The following GLDN variants were observed in gnomAD, a reference collection of about 807,000 sequenced individuals.
The protein encoded by GLDN is collomin.
GLDN carries 47 observed loss-of-function variants against 56.5 expected under a neutral mutation model. That is an observed-to-expected ratio of 0.83 (90% CI 0.66 to 1.06). The LOEUF is 1.06. GLDN is among the 50% of genes least tolerant of loss of function. The pLI is 0.00. For missense variants in GLDN, 782 were observed against 714.3 expected (o/e 1.09, Z -1.08); for synonymous variants, 332 against 278.8 (o/e 1.19, Z -1.90).
intron 1 of GLDN, among the ~76,000 whole-genome samples, chr15:51,355,940 G>A (rs1013290040): frequency 2.7e-5 from 4 of 146,792 alleles, no homozygotes; most frequent in East Asian, 2.2e-4. Context: ...GGGTGTGGTG[G>A]CTCACGCCTG....
At chr15:51,345,435 A>C (rs1050834228) in intron 1 of GLDN, among the ~76,000 whole-genome samples, 2 of 152,230 alleles carry the variant, frequency 1.3e-5, no homozygotes, top group Admixed American at 6.5e-5. Context: ...TAACAAGAAA[A>C]TCAGCCTGGC....
intron 1 of GLDN, among the ~76,000 whole-genome samples, chr15:51,376,886 C>T (rs567906770): frequency 6.6e-6 from 1 of 152,318 alleles, no homozygotes; most frequent in East Asian, 1.9e-4. Flanking sequence ...GCTGTGACAA[C>T]AGTGCCTTCC....
chr15:51,398,736 G>A (rs1259949694), intron 6 of GLDN, among the ~76,000 whole-genome samples: 2 of 152,214 alleles, frequency 1.3e-5, no homozygotes, highest in Non-Finnish European at 2.9e-5. Flanking sequence ...CTGCTCCTCT[G>A]CTGGGCTGCC....
intron 4 of GLDN, among the ~76,000 whole-genome samples, chr15:51,394,201 T>C (rs2141120505): frequency 6.6e-6 from 1 of 152,360 alleles, no homozygotes; most frequent in East Asian, 1.9e-4. Context: ...CCTCTGAGCA[T>C]CATGGTTGCA....
intron 2 of GLDN, among the ~76,000 whole-genome samples, chr15:51,382,812 A>G (rs577959385): frequency 6.6e-6 from 1 of 152,322 alleles, no homozygotes; most frequent in East Asian, 1.9e-4. Context: ...GTACTCAAAT[A>G]GAATAGTCGA....
rs141102085 is a variant in GLDN at position 51,400,528 on chromosome 15, T to C, written c.1027+30T>C. 146 of 1,605,384 alleles carry C rather than the reference T, an allele frequency of 9.1e-5. No individual in the cohort carries two copies. The East Asian group carries it at 2.5e-3, about 28-fold the overall frequency. ...TTGCACTCGGCCTATGACCCATATC[T>C]GTGTGGTAACTGTATTTTTCATCTG... On this transcript the variant is annotated intron_variant, in intron 8 of 9. Coordinates refer to ENST00000335449, the MANE Select transcript of GLDN (RefSeq NM_181789.4).
rs551235323 is a variant in GLDN, at chr15:51,391,882, G to C, written c.542-2953G>C. Among the ~76,000 whole-genome samples, 81 of 152,328 alleles carry C rather than the reference G, an allele frequency of 5.3e-4. 1 individual carries two copies. The highest frequency in any genetic ancestry group is 1.9e-3 in the African/African-American group (81 of 41,574). On this transcript the variant is annotated intron_variant, in intron 4 of 9. Transcript: ENST00000335449. ...CAGCCGCCACCCAAGCTTACCACTG[G>C]TAGTGGTGAGGACCCTGGGGCTTCT...
downstream of GLDN, among the ~76,000 whole-genome samples, chr15:51,411,159 G>T (rs1306449685): frequency 6.6e-6 from 1 of 152,180 alleles, no homozygotes; most frequent in African/African-American, 2.4e-5. Flanking sequence ...ATAAAAAGCT[G>T]AGCGTGACTA....
chr15:51,366,955 T>C (rs1028286032), intron 1 of GLDN, among the ~76,000 whole-genome samples: 2 of 152,206 alleles, frequency 1.3e-5, no homozygotes, highest in African/African-American at 4.8e-5. Flanking sequence ...TGACCAAATG[T>C]GTTTCGATAA....
At position 51,341,906 on chromosome 15, in the gene GLDN, C is replaced by T. The variant is rs1399456723; in HGVS notation, c.222C>T (p.Arg74=). ...ALRSFLAELS[R]APRGASAPPQ... ...GCTCCTTCCTGGCCGAGTTGAGCCG[C>T]GCGCCGCGCGGGGCGTCCGCACCAC... The change falls in exon 1 of 10, where the codon CGC becomes CGT. Residue 74 remains arginine, a synonymous_variant. Transcript: ENST00000335449. 5.0e-6 allele frequency: 8 copies of T among 1,591,652 alleles called. No individual in the cohort carries two copies. Among genetic ancestry groups the T allele is most frequent in the Admixed American group, 1.7e-5 (1 of 59,240 alleles).
In GLDN at chr15:51,404,758, G is replaced by C. The variant is rs1476049465; in HGVS notation, c.*4G>C. Reference sequence around the variant, plus strand: ...GTCAACTACCTTAAATCAGTGATGTGCTGCATTCGGCTCCCTTCAGCAAAT... The same window carrying C: ...GTCAACTACCTTAAATCAGTGATGTCCTGCATTCGGCTCCCTTCAGCAAAT... On this transcript the variant is annotated 3_prime_UTR_variant, in exon 10 of 10. Transcript: ENST00000335449. The C allele has an allele frequency of 2.8e-6, 4 of 1,428,110 alleles. No homozygotes were observed. The highest frequency in any genetic ancestry group is 3.9e-6 in the Non-Finnish European group (4 of 1,019,246). 88.5% of individuals were successfully genotyped at this position (1,428,110 alleles called of 1,614,324 possible).
intron 1 of GLDN, among the ~76,000 whole-genome samples, chr15:51,369,593 C>G (rs1855195024): frequency 6.6e-6 from 1 of 152,210 alleles, no homozygotes; most frequent in South Asian, 2.1e-4. Context: ...CAGCCAAACA[C>G]TGTGAGGTTT....
At chr15:51,401,217 C>T (rs894085065) in intron 8 of GLDN, among the ~76,000 whole-genome samples, 65 of 152,316 alleles carry the variant, frequency 4.3e-4, no homozygotes, top group Middle Eastern at 3.4e-3. Flanking sequence ...GGCTGCTGCA[C>T]AGTGCAGGAA....
In GLDN at chr15:51,401,647, C is replaced by T. The variant is rs1375747076; in HGVS notation, c.1082C>T (p.Thr361Met). The change falls in exon 9 of 10, where the codon ACG becomes ATG. Residue 361 changes from threonine to methionine, a missense_variant. Thr to Met is a moderately conservative substitution (Grantham distance 81). Coordinates refer to ENST00000335449, the MANE Select transcript of GLDN (RefSeq NM_181789.4). ...DQPSLLNGSY[T>M]FIHLPYYFHG... ...CCCTCACTTCTGAATGGCAGTTACACGTTCATCCACCTTCCATACTATTTC... is the reference window on the plus strand; with the variant it reads ...CCCTCACTTCTGAATGGCAGTTACATGTTCATCCACCTTCCATACTATTTC... 6.8e-6 allele frequency: 11 copies of T among 1,613,990 alleles called. No individual in the cohort carries two copies. The highest frequency in any genetic ancestry group is 5.5e-5 in the South Asian group (5 of 91,086).
chr15:51,381,766 G>T (rs974607023), intron 2 of GLDN, among the ~76,000 whole-genome samples: 2 of 141,922 alleles, frequency 1.4e-5, no homozygotes, highest in African/African-American at 5.9e-5. Context: ...AGATCCCCTA[G>T]GGTTTTTTTT....
At chr15:51,391,693 T>G (rs1215287773) in intron 4 of GLDN, among the ~76,000 whole-genome samples, 1 of 152,232 alleles carries the variant, frequency 6.6e-6, no homozygotes, top group Non-Finnish European at 1.5e-5. Flanking sequence ...AATGGGATTT[T>G]GGTGCTATTG....
At chr15:51,355,823 C>T (rs1373732139) in intron 1 of GLDN, among the ~76,000 whole-genome samples, 1 of 150,828 alleles carries the variant, frequency 6.6e-6, no homozygotes, top group Non-Finnish European at 1.5e-5. Flanking sequence ...ACACCCGGCC[C>T]TACTGCATGC....
Position 51,402,575 on chromosome 15 carries a change from C to A in GLDN, c.1178+832C>A, listed in dbSNP as rs558628694. Among the ~76,000 whole-genome samples, 7 of 152,334 alleles carry A rather than the reference C, an allele frequency of 4.6e-5. 1 individual carries two copies. The South Asian group carries it at 1.4e-3, about 32-fold the overall frequency. On this transcript the variant is annotated intron_variant, in intron 9 of 9. Transcript: ENST00000335449. ...CTTCTAGCTCTTCCACTATCTGAAA[C>A]AGTAAACCCAGTATTATGAATGCCA...
At chr15:51,382,597 G>T (rs963359412) in intron 2 of GLDN, among the ~76,000 whole-genome samples, 5 of 151,618 alleles carry the variant, frequency 3.3e-5, no homozygotes, top group Admixed American at 6.6e-5. Context: ...GTGGTGGCGG[G>T]TGCCTGTAGT....
Sources: gnomAD v4.1 joint callset for allele counts (sites outside exome capture counted in the v4.1 genomes callset) on GRCh38, gnomAD v4.1.1 for gene constraint, MANE v1.5 for transcripts, NCBI Gene and HGNC (gene_info 2026-07-23, HGNC 2026-07-21) for gene names.